The following UBAP2 variants were observed in gnomAD, a reference collection of about 807,000 sequenced individuals.
The protein encoded by UBAP2 is ubiquitin associated protein 2, also known as ubiquitin-associated protein 2.
In UBAP2, 75 loss-of-function variants were observed where a neutral mutation model predicts 139.6. The observed-to-expected ratio is 0.54, with a 90% confidence interval of 0.45 to 0.65. The LOEUF is 0.65. Ranked by LOEUF, UBAP2 falls within the 30% of genes least tolerant of loss-of-function variation. The pLI is 0.00. For missense variants in UBAP2, 1,368 were observed against 1,369.6 expected (o/e 1.00, Z 0.02); for synonymous variants, 526 against 526.2 (o/e 1.00, Z 0.01).
intron 1 of UBAP2, among the ~76,000 whole-genome samples, chr9:34,022,359 C>A (rs1476300507): frequency 6.6e-6 from 1 of 151,682 alleles, no homozygotes; most frequent in South Asian, 2.1e-4. Flanking sequence ...TAAGTCCCAG[C>A]TATTCAGGAG....
rs550102822 is a variant in UBAP2, at chr9:34,021,031, T to TA, written c.-41-3843dup. On this transcript the variant is annotated intron_variant, in intron 1 of 28. Transcript: ENST00000379238. ...ATGTGGAAAGATATTCCACTATTTG[T>TA]AAATCTTATACATTTCAGATTAATA... is the stretch of plus-strand genomic sequence containing the variant. Among the ~76,000 whole-genome samples, 3 of 152,336 alleles carry TA rather than the reference T, an allele frequency of 2.0e-5. No homozygotes were observed. In the South Asian group the frequency reaches 6.2e-4, roughly 32 times the overall value.
Position 33,971,648 on chromosome 9 carries a change from T to TA in UBAP2, c.679+2dup. 2 of 1,572,134 alleles carry TA rather than the reference T, an allele frequency of 1.3e-6. No homozygotes were observed. Among genetic ancestry groups the TA allele is most frequent in the Non-Finnish European group, 8.8e-7 (1 of 1,141,600 alleles). Reference sequence around the variant, plus strand: ...TCATCTCTGGCAAAAACAGAACACTTACCAGTTCCCTCATCTGCACCATTC... The same window carrying TA: ...TCATCTCTGGCAAAAACAGAACACTTAACCAGTTCCCTCATCTGCACCATTC... On this transcript the variant is annotated splice_region_variant and intron_variant, in intron 8 of 28. Coordinates refer to ENST00000379238, the MANE Select transcript of UBAP2 (RefSeq NM_001370062.2).
intron 13 of UBAP2, among the ~76,000 whole-genome samples, chr9:33,947,392 G>A (rs1181977264): frequency 6.6e-6 from 1 of 152,190 alleles, no homozygotes; most frequent in East Asian, 1.9e-4. Context: ...CACAATTTCT[G>A]TGGGAGTTTA....
chr9:33,982,006 C>T (rs929418262), intron 6 of UBAP2, among the ~76,000 whole-genome samples: 1 of 152,098 alleles, frequency 6.6e-6, no homozygotes, highest in Non-Finnish European at 1.5e-5. Context: ...GTGAGAAGAA[C>T]AGAATTGTTA....
At chr9:33,981,473 A>G (rs1378937467) in intron 6 of UBAP2, among the ~76,000 whole-genome samples, 1 of 150,458 alleles carries the variant, frequency 6.6e-6, no homozygotes, top group Non-Finnish European at 1.5e-5. Flanking sequence ...CTACCACCTC[A>G]GCCTCCTGAG....
At chr9:33,986,895 C>A (rs1036657101) in intron 5 of UBAP2, 58 bp from the exon 6 acceptor site, 2 of 1,439,086 alleles carry the variant, frequency 1.4e-6, no homozygotes, top group Non-Finnish European at 2.0e-6. Flanking sequence ...TGTACATAAC[C>A]TTATCAAGCA....
At chr9:33,976,326 T>C (rs1432626566) in intron 6 of UBAP2, among the ~76,000 whole-genome samples, 1 of 152,232 alleles carries the variant, frequency 6.6e-6, no homozygotes, top group African/African-American at 2.4e-5. Context: ...AATGAAGTAC[T>C]GATACATACT....
intron 16 of UBAP2, among the ~76,000 whole-genome samples, chr9:33,938,057 G>C (rs990004953): frequency 7.2e-5 from 11 of 152,084 alleles, no homozygotes; most frequent in Non-Finnish European, 1.6e-4. Context: ...GTGTGCAGTG[G>C]TGTGATCTCG....
At chr9:33,955,194 A>C (rs1826445247) in intron 11 of UBAP2, among the ~76,000 whole-genome samples, 1 of 152,034 alleles carries the variant, frequency 6.6e-6, no homozygotes, top group Non-Finnish European at 1.5e-5. Flanking sequence ...AAAAAAAAAA[A>C]AACAGGTCTA....
At chr9:33,996,438 A>T in intron 3 of UBAP2, 105 bp from the exon 4 acceptor site, 2 of 773,566 alleles carry the variant, frequency 2.6e-6, no homozygotes, top group Non-Finnish European at 4.3e-6. Context: ...CTACATGAAG[A>T]TGGCCTCTTC....
chr9:33,969,242 T>C (rs995288611), intron 8 of UBAP2, among the ~76,000 whole-genome samples: 4 of 152,192 alleles, frequency 2.6e-5, no homozygotes, highest in African/African-American at 9.6e-5. Context: ...AGGAGTTGAT[T>C]TGACTTGTTT....
At chr9:34,019,141 C>G (rs1483385484) in intron 1 of UBAP2, among the ~76,000 whole-genome samples, 1 of 152,134 alleles carries the variant, frequency 6.6e-6, no homozygotes, top group Non-Finnish European at 1.5e-5. Context: ...TGGCTCACAC[C>G]TGTAATCCCA....
chr9:33,959,637 G>C (rs1248910071), intron 10 of UBAP2, among the ~76,000 whole-genome samples: 2 of 152,076 alleles, frequency 1.3e-5, no homozygotes, highest in Non-Finnish European at 2.9e-5. Flanking sequence ...GCTGAAAGCA[G>C]AACTTATAGA....
At chr9:34,007,775 A>G (rs537841286) in intron 2 of UBAP2, among the ~76,000 whole-genome samples, 1 of 151,266 alleles carries the variant, frequency 6.6e-6, no homozygotes, top group East Asian at 2.0e-4. Flanking sequence ...AGTAGCTGGG[A>G]CTACAGGCAC....
In UBAP2 at chr9:33,956,391, T is replaced by C. The variant is rs636339; in HGVS notation, c.799-245A>G. 2.8e-3 allele frequency among the ~76,000 whole-genome samples: 418 copies of C among 151,338 alleles called. 2 individuals carry two copies. The highest frequency in any genetic ancestry group is 9.7e-3 in the African/African-American group (401 of 41,178). On this transcript the variant is annotated intron_variant, in intron 10 of 28. Transcript: ENST00000379238. ...AGGAGTGCAGTGACGTGATCTCGGC[T>C]CACTGCAATCTGTGCCTCCTGGGTT...
chr9:34,039,435 A>G (rs2131364488), intron 1 of UBAP2, among the ~76,000 whole-genome samples: 1 of 152,352 alleles, frequency 6.6e-6, no homozygotes, highest in African/African-American at 2.4e-5. Flanking sequence ...GGGAAAAGAT[A>G]GAGAAATCAG....
chr9:33,932,422 G>T, intron 19 of UBAP2, 140 bp downstream of exon 19: 1 of 962,774 alleles, frequency 1.0e-6, no homozygotes, highest in Non-Finnish European at 1.5e-6. Context: ...GCTCGAACCA[G>T]ATCATGCCAT....
chr9:33,968,503 G>A (rs1827648466), intron 8 of UBAP2: 3 of 506,350 alleles, frequency 5.9e-6, no homozygotes, highest in Non-Finnish European at 3.9e-6. Context: ...ATGGGACGCG[G>A]TACAAAGTCT....
At chr9:34,045,494 C>T (rs1198494342) in intron 1 of UBAP2, among the ~76,000 whole-genome samples, 1 of 152,082 alleles carries the variant, frequency 6.6e-6, no homozygotes, top group Non-Finnish European at 1.5e-5. Context: ...CCGCCTCAGC[C>T]TCTGGAGCAG....
Sources: allele counts gnomAD v4.1 joint callset (sites outside exome capture counted in the v4.1 genomes callset), GRCh38; gene constraint gnomAD v4.1.1; transcripts MANE v1.5; gene names NCBI Gene and HGNC (gene_info 2026-07-23, HGNC 2026-07-21).